The following ZNF229 variants were observed in gnomAD, a reference collection of about 807,000 sequenced individuals.
ZNF229 encodes zinc finger protein 229.
ZNF229 carries 10 observed loss-of-function variants against 11.8 expected under a neutral mutation model. The observed-to-expected ratio is 0.85, with a 90% confidence interval of 0.52 to 1.44. The LOEUF is 1.44. Among genes scored for constraint, ZNF229 ranks in the 40% most tolerant of loss-of-function variants. ZNF229 has a pLI of 0.00. For synonymous variants in ZNF229, 368 were observed against 374.8 expected, an observed-to-expected ratio of 0.98 and a Z score of 0.21; for missense variants, 1,045 against 1,015.1, an observed-to-expected ratio of 1.03 and a Z score of -0.40.
chr19:44,447,346 A>C (rs1045644931), intron 2 of ZNF229, among the ~76,000 whole-genome samples, 167 bp downstream of exon 2: 5 of 152,154 alleles, frequency 3.3e-5, no homozygotes, highest in Non-Finnish European at 7.3e-5. Flanking sequence ...CCAAGAAGAG[A>C]ATACACTAAA....
rs1971591532 is a variant in ZNF229, at chr19:44,427,237, A to AACCCC, written c.*1061_*1065dup. On this transcript the variant is annotated 3_prime_UTR_variant, in exon 6 of 6. Coordinates refer to ENST00000614049, the MANE Select transcript of ZNF229 (RefSeq NM_014518.4). Reference sequence around the variant, plus strand: ...CCAAACCATATCAGACTGTTTCTACAACCCCCCCCCCCGCCCCCACTGATG... The same window carrying AACCCC: ...CCAAACCATATCAGACTGTTTCTACAACCCCACCCCCCCCCCCGCCCCCACTGATG... 1 of 75,672 alleles carries AACCCC rather than the reference A, an allele frequency of 1.3e-5. No individual in the cohort carries two copies. Among genetic ancestry groups the AACCCC allele is most frequent in the African/African-American group, 4.7e-5 (1 of 21,358 alleles). 4.7% of individuals were successfully genotyped at this position (75,672 alleles called of 1,614,324 possible).
chr19:44,447,447 T>C (rs563123306), intron 2 of ZNF229, 66 bp downstream of exon 2: 1 of 152,212 alleles, frequency 6.6e-6, no homozygotes, highest in African/African-American at 2.4e-5. Context: ...GTGATATCAA[T>C]GGGATGAAGA....
rs1490791418 is a variant in ZNF229 at position 44,428,976 on chromosome 19, C to T, written c.1805G>A (p.Cys602Tyr). ...GATGAAACCCTTCCCACACACGTCA[C>T]ACACGTAGGGCCTCTCTCCCGTGTG... Reference protein sequence around the residue: ...RVHTGERPYVCDVCGKGFIYS... With the variant: ...RVHTGERPYVYDVCGKGFIYS... The change falls in exon 6 of 6, where the codon TGT (cysteine) becomes TAT (tyrosine). Residue 602 changes from cysteine to tyrosine, a missense_variant. Physicochemically the swap from Cys to Tyr is radical, Grantham distance 194. Transcript: ENST00000614049. 6.2e-7 allele frequency: 1 copy of T among 1,613,764 alleles called. No homozygotes were observed. Among genetic ancestry groups the T allele is most frequent in the South Asian group, 1.1e-5 (1 of 91,056 alleles).
At position 44,428,145 on chromosome 19, in the gene ZNF229, C is replaced by G; in HGVS notation, c.*158G>C. On this transcript the variant is annotated 3_prime_UTR_variant, in exon 6 of 6. Transcript: ENST00000614049. Reference sequence around the variant, plus strand: ...AACTGAAGTGCTAACCTATTTATCACACATCCAGGTGTTCCCTTCCTATGC... The same window carrying G: ...AACTGAAGTGCTAACCTATTTATCAGACATCCAGGTGTTCCCTTCCTATGC... 1 of 759,304 alleles carries G rather than the reference C, an allele frequency of 1.3e-6. No individual in the cohort carries two copies. Among genetic ancestry groups the G allele is most frequent in the Non-Finnish European group, 2.1e-6 (1 of 484,420 alleles). The allele number at this position is 759,304 out of a possible 1,614,324, so 47.0% of individuals were successfully genotyped here. A position where few individuals can be genotyped will look rare whatever the true frequency, so the allele number is the denominator to read the frequency against.
In ZNF229 at chr19:44,442,803, T is replaced by C; in HGVS notation, c.34+11A>G. On this transcript the variant is annotated intron_variant, in intron 3 of 5. Transcript: ENST00000614049. ...ATTCTCCCCCCACCCACCCCCTCTA[T>C]TAGCTGTCACCTCTTTTCTCATGCC... 1 of 1,306,556 alleles carries C rather than the reference T, an allele frequency of 7.7e-7. No homozygotes were observed. The highest frequency in any genetic ancestry group is 1.1e-6 in the Non-Finnish European group (1 of 911,108). The allele number at this position is 1,306,556 out of a possible 1,614,324, so 80.9% of individuals were successfully genotyped here.
intron 4 of ZNF229, among the ~76,000 whole-genome samples, chr19:44,440,240 G>A (rs1181809342): frequency 6.6e-6 from 1 of 151,646 alleles, no homozygotes; most frequent in African/African-American, 2.4e-5. Context: ...AGAAAGAACT[G>A]TAAAACAGGA....
intron 2 of ZNF229, among the ~76,000 whole-genome samples, chr19:44,445,727 T>C (rs1971992171): frequency 6.6e-6 from 1 of 152,202 alleles, no homozygotes; most frequent in South Asian, 2.1e-4. Context: ...GTTGACCATC[T>C]TTCTCCACCC....
intron 4 of ZNF229, among the ~76,000 whole-genome samples, chr19:44,433,440 G>T (rs1971759298): frequency 6.6e-6 from 1 of 151,948 alleles, no homozygotes; most frequent in African/African-American, 2.4e-5. Flanking sequence ...AGGAAGTGGG[G>T]GTGGGAGGTG....
At chr19:44,432,149 A>T in intron 5 of ZNF229, 73 bp downstream of exon 5, 1 of 1,534,840 alleles carries the variant, frequency 6.5e-7, no homozygotes, top group Non-Finnish European at 8.7e-7. Flanking sequence ...AATAGGATTT[A>T]ACCTGTGTAA....
intron 2 of ZNF229, among the ~76,000 whole-genome samples, chr19:44,445,441 C>A (rs182139042): frequency 1.3e-5 from 2 of 152,260 alleles, no homozygotes; most frequent in Non-Finnish European, 1.5e-5. Context: ...ATTCAGTTTC[C>A]CACTTATCCT....
rs575615223 is a variant in ZNF229, at chr19:44,445,351, C to G, written c.-178+2162G>C. 5.7e-5 allele frequency among the ~76,000 whole-genome samples: 8 copies of G among 141,556 alleles called. No individual in the cohort carries two copies. The South Asian group carries it at 1.7e-3, about 30-fold the overall frequency. 92.9% of individuals were successfully genotyped at this position (141,556 alleles called of 152,430 possible). ...ATATAAACTCATATTCTTCTCTGGC[C>G]AAAACCATCATTTTACTCAAAACCT... On this transcript the variant is annotated intron_variant, in intron 2 of 5. Transcript: ENST00000614049.
chr19:44,448,476 G>T (rs1251248549), upstream of ZNF229: 1 of 152,214 alleles, frequency 6.6e-6, no homozygotes, highest in Non-Finnish European at 1.5e-5. Context: ...TCAAGGTGAC[G>T]CGCCCACCGG....
At chr19:44,431,650 C>A in intron 5 of ZNF229, 1 of 496,208 alleles carries the variant, frequency 2.0e-6, no homozygotes, top group Non-Finnish European at 2.6e-6. Context: ...ACAATGCTGC[C>A]AACAGTACCC....
At chr19:44,436,179 C>T (rs1971809775) in intron 4 of ZNF229, among the ~76,000 whole-genome samples, 1 of 152,092 alleles carries the variant, frequency 6.6e-6, no homozygotes, top group Non-Finnish European at 1.5e-5. Context: ...TTTACATCAG[C>T]CTGGGCAACA....
Position 44,429,220 on chromosome 19 carries a change from C to T in ZNF229, c.1561G>A (p.Val521Met), listed in dbSNP as rs772552130. The T allele has an allele frequency of 1.4e-5, 23 of 1,613,938 alleles. No homozygotes were observed. The highest frequency in any genetic ancestry group is 4.0e-5 in the African/African-American group (3 of 74,824). The change falls in exon 6 of 6, where the codon GTG becomes ATG. Residue 521 changes from valine (V) to methionine (M), a missense_variant. Coordinates refer to ENST00000614049, the MANE Select transcript of ZNF229 (RefSeq NM_014518.4). ...CTGTAACTGAAACTCTTACCACACA[C>T]GTTACATTTGTACAGATGCTGCCCC... is the stretch of plus-strand genomic sequence containing the variant. ...HMGQHLYKCN[V>M]CGKSFSYSSG...
In ZNF229 at chr19:44,429,894, T is replaced by C. The variant is rs1971680761; in HGVS notation, c.887A>G (p.Asp296Gly). The change falls in exon 6 of 6, where the codon GAT becomes GGT. Residue 296 changes from aspartate to glycine, a missense_variant. Physicochemically the swap from Asp to Gly is moderately conservative, Grantham distance 94. Transcript: ENST00000614049. The stretch of plus-strand genomic sequence containing the variant: ...GTGCCTCAAGCCCTCACTAAACTCA[T>C]CATATTGACAGAGTTTCTCTTTCAA... The part of the protein sequence containing the change: ...VPLKEKLCQY[D>G]EFSEGLRHSA... 1 of 1,613,914 alleles carries C rather than the reference T, an allele frequency of 6.2e-7. No individual in the cohort carries two copies. Among genetic ancestry groups the C allele is most frequent in the Non-Finnish European group, 8.5e-7 (1 of 1,180,000 alleles).
intron 2 of ZNF229, among the ~76,000 whole-genome samples, chr19:44,445,281 G>A (rs1024771100): frequency 1.3e-5 from 2 of 152,138 alleles, no homozygotes; most frequent in South Asian, 2.1e-4. Flanking sequence ...ACTCCTGTTC[G>A]TTTCAGTCTA....
In ZNF229 at chr19:44,429,089, C is replaced by G. The variant is rs780469575; in HGVS notation, c.1692G>C (p.Arg564Ser). ...TATAGGGTTTCTCTCCTGTGTGGAC[C>G]CTCTGATGGATGTGGAGGTCGGAGC... ...GRSSDLHIHQ[R>S]VHTGEKPYKC... Residue 564 changes from arginine to serine, a missense_variant, in exon 6 of 6, where the codon AGG becomes AGC. Transcript: ENST00000614049. 6.2e-7 allele frequency: 1 copy of G among 1,613,760 alleles called. No individual in the cohort carries two copies. The highest frequency in any genetic ancestry group is 8.5e-7 in the Non-Finnish European group (1 of 1,179,974).
In ZNF229 at chr19:44,428,584, C is replaced by T; in HGVS notation, c.2197G>A (p.Val733Met). ...CTGTATGGCTTCTCGCCAGTGTGCA[C>T]TCTCTTATGACTAAGGAGACCTGAG... ...YGSGLLSHKR[V>M]HTGEKPYRCH... The change falls in exon 6 of 6, where the codon GTG (valine) becomes ATG (methionine). Residue 733 changes from valine (V) to methionine (M), a missense_variant. Coordinates refer to ENST00000614049, the MANE Select transcript of ZNF229 (RefSeq NM_014518.4). 6.2e-7 allele frequency: 1 copy of T among 1,613,758 alleles called. No individual in the cohort carries two copies. Among genetic ancestry groups the T allele is most frequent in the Non-Finnish European group, 8.5e-7 (1 of 1,179,976 alleles).
Sources: gnomAD v4.1 joint callset for allele counts (sites outside exome capture counted in the v4.1 genomes callset) on GRCh38, gnomAD v4.1.1 for gene constraint, MANE v1.5 for transcripts, NCBI Gene and HGNC (gene_info 2026-07-23, HGNC 2026-07-21) for gene names.